The following THSD7B variants were observed in gnomAD, a reference collection of about 807,000 sequenced individuals.
THSD7B encodes thrombospondin type-1 domain-containing protein 7B.
THSD7B carries 138 observed loss-of-function variants against 213.6 expected under a neutral mutation model. The observed-to-expected ratio is 0.65, with a 90% CI of 0.56 to 0.74. The LOEUF (loss-of-function observed/expected upper bound fraction) is 0.74. Among genes scored for constraint, THSD7B ranks in the 30% least tolerant of loss-of-function variants. THSD7B has a pLI of 0.00. For synonymous variants in THSD7B, 742 were observed against 687.0 expected, an observed-to-expected ratio of 1.08 and a Z score of -1.25; for missense variants, 1,931 against 1,991.5, an observed-to-expected ratio of 0.97 and a Z score of 0.58.
At chr2:137,298,980 G>A (rs6751233) in intron 12 of THSD7B, among the ~76,000 whole-genome samples, 9,337 of 152,092 alleles carry the variant, frequency 0.061, 533 homozygotes, top group African/African-American at 0.14. Context: ...TGAGAAGAAA[G>A]CCACTATCCT....
At chr2:137,210,436 A>G (rs1183586639) in intron 7 of THSD7B, among the ~76,000 whole-genome samples, 2 of 152,114 alleles carry the variant, frequency 1.3e-5, no homozygotes, top group Admixed American at 6.6e-5. Context: ...ATGTTAAAAT[A>G]TATACATTCA....
At chr2:136,950,652 A>G (rs1355357738) in intron 2 of THSD7B, among the ~76,000 whole-genome samples, 2 of 152,238 alleles carry the variant, frequency 1.3e-5, no homozygotes, top group African/African-American at 4.8e-5. Flanking sequence ...AAAATTACTC[A>G]TGGAAGATCT....
intron 15 of THSD7B, among the ~76,000 whole-genome samples, chr2:137,487,736 C>CTT (rs746163389): frequency 2.2e-4 from 3 of 13,338 alleles, no homozygotes; most frequent in African/African-American, 8.0e-4. Flanking sequence ...AGGTTTCTTT[C>CTT]TTTTTTTTTT....
intron 1 of THSD7B, among the ~76,000 whole-genome samples, chr2:136,870,743 T>A (rs1340693591): frequency 1.3e-5 from 2 of 151,692 alleles, no homozygotes; most frequent in Non-Finnish European, 2.9e-5. Context: ...GGCACAGGAG[T>A]GAATGGAGAC....
intron 2 of THSD7B, among the ~76,000 whole-genome samples, chr2:137,001,035 ATAAG>A (rs1685989401): frequency 6.6e-6 from 1 of 152,154 alleles, no homozygotes; most frequent in Non-Finnish European, 1.5e-5. Context: ...CAGAATAAAA[ATAAG>A]AGGCTGAAGG....
intron 15 of THSD7B, among the ~76,000 whole-genome samples, chr2:137,499,733 G>C (rs1270233526): frequency 6.6e-6 from 1 of 152,146 alleles, no homozygotes; most frequent in Non-Finnish European, 1.5e-5. Flanking sequence ...TCAACAATGG[G>C]GAACATGAGC....
chr2:137,199,947 T>A (rs1331659199), intron 7 of THSD7B, among the ~76,000 whole-genome samples: 2 of 152,158 alleles, frequency 1.3e-5, no homozygotes, highest in African/African-American at 4.8e-5. Flanking sequence ...TTTCTAGAGA[T>A]GCAACTGAGA....
intron 6 of THSD7B, among the ~76,000 whole-genome samples, chr2:137,161,603 G>A (rs1292800211): frequency 6.6e-6 from 1 of 152,136 alleles, no homozygotes; most frequent in East Asian, 1.9e-4. Context: ...TTGGCTTTCA[G>A]GCAGGTGGAA....
At chr2:137,643,548 C>A (rs1267340017) in intron 21 of THSD7B, among the ~76,000 whole-genome samples, 1 of 152,126 alleles carries the variant, frequency 6.6e-6, no homozygotes. Flanking sequence ...GCTAATTAAC[C>A]AATTCAGAAG....
intron 12 of THSD7B, among the ~76,000 whole-genome samples, chr2:137,280,380 C>CT (rs1682978920): frequency 6.6e-6 from 1 of 152,078 alleles, no homozygotes; most frequent in South Asian, 2.1e-4. Context: ...ATGCTTTAGT[C>CT]TTTTTCATTT....
intron 15 of THSD7B, among the ~76,000 whole-genome samples, chr2:137,511,275 C>T (rs1310304659): frequency 6.6e-6 from 1 of 152,136 alleles, no homozygotes; most frequent in Admixed American, 6.5e-5. Context: ...AAGTCTCTGT[C>T]TGCTAAGTCC....
In THSD7B at chr2:137,656,911, G is replaced by A. The variant is rs779304767; in HGVS notation, c.4221G>A (p.Gln1407=). 6.2e-7 allele frequency: 1 copy of A among 1,613,976 alleles called. No homozygotes were observed. Residue 1407 remains glutamine, a synonymous_variant, in exon 23 of 28, where the codon CAG becomes CAA. Coordinates refer to ENST00000409968, the MANE Select transcript of THSD7B (RefSeq NM_001316349.2). ...RQSRSRTFII[Q]SFENQDSCPQ... ...CTAGATCAAGGACTTTTATAATTCA[G>A]TCTTTTGAGAACCAAGACAGCTGCC...
chr2:137,275,967 CTG>C lies in THSD7B; in HGVS notation c.2443_2444del (p.Val815LeufsTer9). 6.2e-7 allele frequency: 1 copy of C among 1,612,258 alleles called. No individual in the cohort carries two copies. Among genetic ancestry groups the C allele is most frequent in the Non-Finnish European group, 8.5e-7 (1 of 1,178,932 alleles). ...AGCCCTTGCATCTTAGTGCCAGAGT[CTG>C]TCTGGCAGGGAATAACGGGCAGCAG... On this transcript the variant is annotated frameshift_variant, in exon 12 of 28. Transcript: ENST00000409968. LOFTEE classifies it high-confidence loss of function.
chr2:136,868,100 C>CCACA (rs529874307), intron 1 of THSD7B, among the ~76,000 whole-genome samples: 1 of 147,264 alleles, frequency 6.8e-6, no homozygotes, highest in Non-Finnish European at 1.5e-5. Flanking sequence ...ACACACCACA[C>CCACA]CACACACACA....
intron 2 of THSD7B, among the ~76,000 whole-genome samples, chr2:136,941,614 G>A (rs912292016): frequency 2.0e-5 from 3 of 152,220 alleles, no homozygotes; most frequent in Admixed American, 2.0e-4. Context: ...CGGTGATGAT[G>A]AGCATTTTGT....
intron 7 of THSD7B, among the ~76,000 whole-genome samples, chr2:137,200,797 A>G (rs1242109870): frequency 6.7e-6 from 1 of 150,234 alleles, no homozygotes; most frequent in African/African-American, 2.5e-5. Flanking sequence ...CAACTTCCCA[A>G]GTAGCTGGGG....
At chr2:136,801,194 A>T (rs557186751) in intron 1 of THSD7B, among the ~76,000 whole-genome samples, 3 of 152,272 alleles carry the variant, frequency 2.0e-5, no homozygotes, top group African/African-American at 7.2e-5. Context: ...ACACTGGGGA[A>T]TCAGGGACAC....
At chr2:137,278,160 G>A (rs550800467) in intron 12 of THSD7B, among the ~76,000 whole-genome samples, 1 of 152,092 alleles carries the variant, frequency 6.6e-6, no homozygotes, top group South Asian at 2.1e-4. Flanking sequence ...ATATAAAGGG[G>A]AGAAAAGTAT....
chr2:137,373,622 C>T (rs993208097), intron 12 of THSD7B, among the ~76,000 whole-genome samples: 29 of 152,094 alleles, frequency 1.9e-4, no homozygotes, highest in Non-Finnish European at 1.9e-4. Context: ...GAGTAGGTTG[C>T]AAAAATTTTC....
Sources: gnomAD v4.1 joint callset for allele counts (sites outside exome capture counted in the v4.1 genomes callset) on GRCh38, gnomAD v4.1.1 for gene constraint, MANE v1.5 for transcripts, NCBI Gene and HGNC (gene_info 2026-07-23, HGNC 2026-07-21) for gene names.